The following CNTNAP2 variants were observed in gnomAD, a reference collection of about 807,000 sequenced individuals.
The protein encoded by CNTNAP2 is contactin associated protein 2.
A neutral mutation model predicts 155.2 loss-of-function variants in CNTNAP2; 98 were observed. That is an observed-to-expected ratio of 0.63 (90% CI 0.54 to 0.75). The LOEUF is 0.75. CNTNAP2 is among the 30% of genes least tolerant of loss of function. The probability of loss-of-function intolerance (pLI) is 0.00; values close to 1 mark genes in which losing one functional copy is unlikely to be tolerated. For synonymous variants in CNTNAP2, 651 were observed against 631.2 expected (o/e 1.03, Z -0.47); for missense variants, 1,727 against 1,688.1 (o/e 1.02, Z -0.40).
At chr7:148,365,854 A>G (rs377128972) in intron 21 of CNTNAP2, among the ~76,000 whole-genome samples, 2,855 of 39,914 alleles carry the variant, frequency 0.072, 1,286 homozygotes, top group East Asian at 0.3. Context: ...ATGTGTATGC[A>G]TGTATACATG....
chr7:146,768,871 G>A (rs2129185050), intron 1 of CNTNAP2, among the ~76,000 whole-genome samples: 1 of 152,250 alleles, frequency 6.6e-6, no homozygotes, highest in African/African-American at 2.4e-5. Flanking sequence ...TTATATTTCA[G>A]CAGAGATGCA....
At chr7:147,507,050 T>A (rs1346695502) in intron 11 of CNTNAP2, among the ~76,000 whole-genome samples, 1 of 152,136 alleles carries the variant, frequency 6.6e-6, no homozygotes, top group Admixed American at 6.5e-5. Context: ...GTGAAGTGGA[T>A]GTTCATGATC....
chr7:148,354,178 A>ATTTTTT (rs57278575), intron 21 of CNTNAP2, among the ~76,000 whole-genome samples: 3 of 99,298 alleles, frequency 3.0e-5, no homozygotes, highest in African/African-American at 3.9e-5. Context: ...GAAACGATTA[A>ATTTTTT]TTTTTTTTTT....
At chr7:147,907,970 G>A (rs976482926) in intron 14 of CNTNAP2, among the ~76,000 whole-genome samples, 3 of 151,282 alleles carry the variant, frequency 2.0e-5, no homozygotes, top group Admixed American at 6.6e-5. Flanking sequence ...TAGAGATGGG[G>A]TTTCACCAGG....
intron 15 of CNTNAP2, among the ~76,000 whole-genome samples, chr7:147,981,284 C>G (rs943825694): frequency 2.6e-5 from 4 of 152,154 alleles, no homozygotes; most frequent in African/African-American, 9.7e-5. Context: ...AATTAAAATG[C>G]CTTAAAATGT....
chr7:148,315,616 A>G (rs1797674231), intron 21 of CNTNAP2, among the ~76,000 whole-genome samples: 1 of 152,226 alleles, frequency 6.6e-6, no homozygotes, highest in Admixed American at 6.5e-5. Flanking sequence ...AGGCCTGACA[A>G]AAATGTTGTT....
At chr7:148,322,169 C>A (rs1043624109) in intron 21 of CNTNAP2, among the ~76,000 whole-genome samples, 1 of 152,160 alleles carries the variant, frequency 6.6e-6, no homozygotes, top group Non-Finnish European at 1.5e-5. Context: ...GGGATCCGCC[C>A]ACCTTGGCCT....
At chr7:147,095,309 T>A (rs1800507754) in intron 4 of CNTNAP2, among the ~76,000 whole-genome samples, 2 of 151,814 alleles carry the variant, frequency 1.3e-5, no homozygotes, top group Admixed American at 1.3e-4. Context: ...GTGCTGGGAT[T>A]TCAGGCGTGA....
intron 2 of CNTNAP2, among the ~76,000 whole-genome samples, chr7:146,825,608 A>T (rs1803385092): frequency 1.3e-5 from 2 of 152,192 alleles, no homozygotes; most frequent in African/African-American, 4.8e-5. Flanking sequence ...TATGTTTTCA[A>T]GTATATGAAA....
At chr7:146,991,725 G>A (rs1260396021) in intron 3 of CNTNAP2, among the ~76,000 whole-genome samples, 1 of 152,072 alleles carries the variant, frequency 6.6e-6, no homozygotes, top group Non-Finnish European at 1.5e-5. Flanking sequence ...AAACAATTGG[G>A]CACATAATGA....
chr7:147,509,779 A>G (rs1798982961), intron 11 of CNTNAP2, among the ~76,000 whole-genome samples: 1 of 151,990 alleles, frequency 6.6e-6, no homozygotes, highest in African/African-American at 2.4e-5. Flanking sequence ...TAATCCTTTT[A>G]TGCTGCCTGG....
chr7:147,860,361 T>C (rs1403007864), intron 13 of CNTNAP2, among the ~76,000 whole-genome samples: 7 of 151,938 alleles, frequency 4.6e-5, no homozygotes, highest in Admixed American at 4.6e-4. Flanking sequence ...GAGGTGGAGA[T>C]TGCAGTGAGC....
chr7:146,762,228 A>G (rs1000735224), intron 1 of CNTNAP2, among the ~76,000 whole-genome samples: 3 of 152,190 alleles, frequency 2.0e-5, no homozygotes, highest in African/African-American at 7.2e-5. Flanking sequence ...GTCTACTTTC[A>G]TTACAGCATA....
chr7:146,849,061 G>T (rs551910826), intron 3 of CNTNAP2, among the ~76,000 whole-genome samples: 2 of 152,222 alleles, frequency 1.3e-5, no homozygotes, highest in East Asian at 3.9e-4. Flanking sequence ...GATTATAGGG[G>T]TGAGCCACTG....
chr7:147,699,950 T>C (rs1796211437), intron 13 of CNTNAP2, among the ~76,000 whole-genome samples: 1 of 152,204 alleles, frequency 6.6e-6, no homozygotes, highest in Non-Finnish European at 1.5e-5. Flanking sequence ...GCTTTTTATA[T>C]CTGGCTTCTT....
intron 1 of CNTNAP2, among the ~76,000 whole-genome samples, chr7:146,767,500 G>A (rs769415881): frequency 1.3e-5 from 2 of 152,048 alleles, no homozygotes; most frequent in African/African-American, 2.4e-5. Flanking sequence ...GGATTATTAG[G>A]GTTCTTTCTT....
At chr7:148,247,625 CTA>C (rs1554407428) in intron 20 of CNTNAP2, among the ~76,000 whole-genome samples, 1,669 of 105,110 alleles carry the variant, frequency 0.016, 31 homozygotes, top group East Asian at 0.093. Flanking sequence ...CTCTCTCTCT[CTA>C]TTTATTTATT....
chr7:147,655,993 A>G (rs1318048595), intron 13 of CNTNAP2, among the ~76,000 whole-genome samples: 2 of 152,224 alleles, frequency 1.3e-5, no homozygotes, highest in South Asian at 2.1e-4. Context: ...TGTAGCTTCT[A>G]TATCAGCATT....
At chr7:146,832,934 G>A (rs890987315) in intron 2 of CNTNAP2, among the ~76,000 whole-genome samples, 6 of 152,026 alleles carry the variant, frequency 3.9e-5, no homozygotes, top group Non-Finnish European at 7.4e-5. Context: ...GACCTCAAGT[G>A]ATCCACCCGC....
Sources: allele counts gnomAD v4.1 joint callset (sites outside exome capture counted in the v4.1 genomes callset), GRCh38; gene constraint gnomAD v4.1.1; transcripts MANE v1.5; gene names NCBI Gene and HGNC (gene_info 2026-07-23, HGNC 2026-07-21).